Variants in FERMT1 observed in about 807,000 individuals in gnomAD.
FERMT1 encodes the protein FERM domain containing kindlin 1.
A neutral mutation model predicts 85.3 loss-of-function variants in FERMT1; 60 were observed. That is an observed-to-expected ratio of 0.70 (90% CI 0.57 to 0.87). FERMT1 has a LOEUF of 0.87. Ranked by LOEUF, FERMT1 falls within the 40% of genes least tolerant of loss-of-function variation. The probability of loss-of-function intolerance (pLI) is 0.00; values close to 1 mark genes in which losing one functional copy is unlikely to be tolerated. For missense variants in FERMT1, 701 were observed against 818.9 expected (o/e 0.86, Z 1.76); for synonymous variants, 275 against 301.1 (o/e 0.91, Z 0.90).
intron 2 of FERMT1, among the ~76,000 whole-genome samples, chr20:6,119,090 T>A (rs1304881807): frequency 6.6e-6 from 1 of 151,992 alleles, no homozygotes; most frequent in Admixed American, 6.6e-5. Context: ...TGGGATTACA[T>A]GCACCCACCG....
chr20:6,095,307 A>C (rs887083638), intron 8 of FERMT1, among the ~76,000 whole-genome samples: 1 of 152,192 alleles, frequency 6.6e-6, no homozygotes, highest in Non-Finnish European at 1.5e-5. Flanking sequence ...TAAGCTGTAC[A>C]TATGTGTATT....
rs140428515 is a variant in FERMT1, at chr20:6,079,853, C to T, written c.1719-276G>A. Among the ~76,000 whole-genome samples, 1,416 of 152,250 alleles carry T rather than the reference C, an allele frequency of 9.3e-3. 13 individuals carry two copies. Among genetic ancestry groups the T allele is most frequent in the Middle Eastern group, 0.027 (8 of 294 alleles). ...CAAATAAATTCATTCAAAATGATTA[C>T]TGACTCTGTGTTGGGCACCCTTCTA... On this transcript the variant is annotated intron_variant, in intron 13 of 14. Transcript: ENST00000217289.
chr20:6,083,948 T>C, intron 13 of FERMT1, 92 bp downstream of exon 13: 1 of 1,444,882 alleles, frequency 6.9e-7, no homozygotes. Flanking sequence ...AAAAGCATTC[T>C]ATATTCTATG....
chr20:6,119,144 C>T (rs1199513281), intron 2 of FERMT1, among the ~76,000 whole-genome samples: 3 of 152,266 alleles, frequency 2.0e-5, no homozygotes, highest in Non-Finnish European at 2.9e-5. Context: ...GATGGGGTTT[C>T]GCCATGTTGG....
At chr20:6,099,603 A>C (rs1263402870) in intron 6 of FERMT1, among the ~76,000 whole-genome samples, 1 of 152,112 alleles carries the variant, frequency 6.6e-6, no homozygotes, top group Non-Finnish European at 1.5e-5. Flanking sequence ...AGAGAAGGCA[A>C]TGGAGAATTA....
At chr20:6,117,120 CCCT>C (rs1358741927) in intron 2 of FERMT1, among the ~76,000 whole-genome samples, 1 of 152,158 alleles carries the variant, frequency 6.6e-6, no homozygotes, top group African/African-American at 2.4e-5. Context: ...TCAATCTTTC[CCCT>C]CCTTTAACGT....
intron 3 of FERMT1, among the ~76,000 whole-genome samples, chr20:6,113,626 G>C (rs1276596252): frequency 6.6e-6 from 1 of 152,134 alleles, no homozygotes; most frequent in Non-Finnish European, 1.5e-5. Context: ...GCTCACCAGG[G>C]TCTGCACTGC....
intron 5 of FERMT1, among the ~76,000 whole-genome samples, chr20:6,108,382 C>G (rs1982854306): frequency 6.6e-6 from 1 of 152,170 alleles, no homozygotes; most frequent in South Asian, 2.1e-4. Flanking sequence ...ATCTTACAGT[C>G]TTCAAAGTGC....
chr20:6,113,103 C>G (rs1405958584), intron 3 of FERMT1, among the ~76,000 whole-genome samples: 1 of 152,094 alleles, frequency 6.6e-6, no homozygotes, highest in African/African-American at 2.4e-5. Context: ...ATCATGGGGG[C>G]AGGTCTTTCC....
At position 6,119,615 on chromosome 20, in the gene FERMT1, A is replaced by G. The variant is rs1983211268; in HGVS notation, c.-18-43T>C. On this transcript the variant is annotated intron_variant, in intron 1 of 14. Coordinates refer to ENST00000217289, the MANE Select transcript of FERMT1 (RefSeq NM_017671.5). Reference sequence around the variant, plus strand: ...AGACATAGATTGGAATGTGGGAAGGAAACGGGACTTGTCAGTAGACTTGCA... The same window carrying G: ...AGACATAGATTGGAATGTGGGAAGGGAACGGGACTTGTCAGTAGACTTGCA... 2.6e-6 allele frequency: 4 copies of G among 1,554,832 alleles called. No individual in the cohort carries two copies. In the Admixed American group the frequency reaches 7.2e-5, roughly 28 times the overall value.
chr20:6,082,600 G>A (rs930036573), intron 13 of FERMT1, among the ~76,000 whole-genome samples: 7 of 152,316 alleles, frequency 4.6e-5, no homozygotes, highest in Non-Finnish European at 2.9e-5. Flanking sequence ...TGGGACAAAC[G>A]TTGGGGACTG....
chr20:6,086,140 C>CAA (rs532906778), intron 11 of FERMT1, among the ~76,000 whole-genome samples: 116 of 98,332 alleles, frequency 1.2e-3, no homozygotes, highest in Admixed American at 2.4e-3. Flanking sequence ...GACTCCATCT[C>CAA]AAAAAAAAAA....
chr20:6,121,563 G>T (rs946653018), intron 1 of FERMT1, among the ~76,000 whole-genome samples: 1 of 152,240 alleles, frequency 6.6e-6, no homozygotes, highest in African/African-American at 2.4e-5. Flanking sequence ...GTCATCATCA[G>T]CTTCAGGTAT....
intron 6 of FERMT1, among the ~76,000 whole-genome samples, chr20:6,099,732 T>C (rs1982607362): frequency 6.6e-6 from 1 of 151,626 alleles, no homozygotes; most frequent in Non-Finnish European, 1.5e-5. Flanking sequence ...AAAGTGGCTC[T>C]TGTCACTAGT....
intron 6 of FERMT1, among the ~76,000 whole-genome samples, chr20:6,098,802 A>C (rs1982576713): frequency 1.3e-5 from 2 of 152,204 alleles, no homozygotes; most frequent in African/African-American, 4.8e-5. Flanking sequence ...CTTATCTAAA[A>C]GACAGGTAAT....
intron 6 of FERMT1, among the ~76,000 whole-genome samples, chr20:6,106,995 A>T (rs1399974053): frequency 6.6e-6 from 1 of 152,124 alleles, no homozygotes; most frequent in Admixed American, 6.5e-5. Context: ...CAGTAGTTCG[A>T]GACCAACCTG....
chr20:6,112,487 T>C lies in FERMT1; in HGVS notation c.522A>G (p.Ser174=). The C allele has an allele frequency of 6.2e-7, 1 of 1,613,844 alleles. No individual in the cohort carries two copies. The highest frequency in any genetic ancestry group is 1.1e-5 in the South Asian group (1 of 91,072). Residue 174 remains serine (S), a synonymous_variant, in exon 4 of 15, where the codon TCA becomes TCG. Coordinates refer to ENST00000217289, the MANE Select transcript of FERMT1 (RefSeq NM_017671.5). The part of the protein sequence containing the change: ...ILNLESSPTA[S]GSSVSPGLYS... ...TGTAACAAGTCTTACCTGATGAACCTGAAGCTGTTGGAGAACTCTCCAGGT... is the reference window on the plus strand; with the variant it reads ...TGTAACAAGTCTTACCTGATGAACCCGAAGCTGTTGGAGAACTCTCCAGGT...
chr20:6,117,435 ATTT>A (rs200977686), intron 2 of FERMT1, among the ~76,000 whole-genome samples: 2 of 124,758 alleles, frequency 1.6e-5, no homozygotes, highest in East Asian at 2.4e-4. Flanking sequence ...TGTCAGTCTA[ATTT>A]TTTTTTTTTT....
intron 13 of FERMT1, among the ~76,000 whole-genome samples, chr20:6,080,923 A>G (rs538214177): frequency 3.3e-5 from 5 of 152,224 alleles, no homozygotes; most frequent in East Asian, 3.8e-4. Context: ...AGTAATTGGC[A>G]TATAAATGAA....
Sources: allele counts gnomAD v4.1 joint callset (sites outside exome capture counted in the v4.1 genomes callset), GRCh38; gene constraint gnomAD v4.1.1; transcripts MANE v1.5; gene names NCBI Gene and HGNC (gene_info 2026-07-23, HGNC 2026-07-21).